PIGU: variants seen among roughly 807,000 people sequenced by gnomAD.
The protein encoded by PIGU is phosphatidylinositol glycan anchor biosynthesis class U, also known as GPI-anchor transamidase component PIGU.
A neutral mutation model predicts 49.9 loss-of-function variants in PIGU; 24 were observed. The observed-to-expected ratio is 0.48, with a 90% confidence interval of 0.35 to 0.68. The LOEUF is 0.68. PIGU is among the 30% of genes least tolerant of loss of function. The pLI is 0.01. For synonymous variants in PIGU, 220 were observed against 205.7 expected, an observed-to-expected ratio of 1.07 and a Z score of -0.59; for missense variants, 490 against 532.6, an observed-to-expected ratio of 0.92 and a Z score of 0.79.
chr20:34,597,391 C>T (rs1984241912), intron 7 of PIGU, among the ~76,000 whole-genome samples: 1 of 152,140 alleles, frequency 6.6e-6, no homozygotes, highest in Non-Finnish European at 1.5e-5. Context: ...TATTTCATTC[C>T]ATTTATATGA....
At chr20:34,627,168 C>G (rs943237877) in intron 6 of PIGU, among the ~76,000 whole-genome samples, 1 of 152,060 alleles carries the variant, frequency 6.6e-6, no homozygotes, top group South Asian at 2.1e-4. Flanking sequence ...AAAAGAGAAG[C>G]GCTGGGATCT....
intron 2 of PIGU, among the ~76,000 whole-genome samples, chr20:34,653,513 T>C (rs1392324549): frequency 6.6e-6 from 1 of 151,978 alleles, no homozygotes; most frequent in South Asian, 2.1e-4. Flanking sequence ...GAAATTTGTT[T>C]CTTTTTTTTA....
At position 34,636,493 on chromosome 20, in the gene PIGU, G is replaced by A. The variant is rs188802721; in HGVS notation, c.428+1383C>T. On this transcript the variant is annotated intron_variant, in intron 5 of 11. Coordinates refer to ENST00000217446, the MANE Select transcript of PIGU (RefSeq NM_080476.5). ...CAGGAGGTAGAGGTTGCAGTGAGCC[G>A]AGATTGCACCACTGCACTCCAGCCT... Among the ~76,000 whole-genome samples the A allele has an allele frequency of 5.5e-3, 842 of 152,166 alleles. 4 individuals are homozygous for A. Among genetic ancestry groups the A allele is most frequent in the Middle Eastern group, 0.014 (4 of 294 alleles).
intron 5 of PIGU, among the ~76,000 whole-genome samples, chr20:34,636,283 C>A (rs1219297746): frequency 1.3e-5 from 2 of 151,916 alleles, no homozygotes. Flanking sequence ...TAACTCATGC[C>A]TGTAATCCCA....
In PIGU at chr20:34,605,830, T is replaced by C. The variant is rs1028077435; in HGVS notation, c.627+10212A>G. ...GCCTTATTTTATCTTTCTGCATGCA[T>C]ATATTTATTTTTGCTGAACCATGTA... On this transcript the variant is annotated intron_variant, in intron 7 of 11. Coordinates refer to ENST00000217446, the MANE Select transcript of PIGU (RefSeq NM_080476.5). 3.9e-5 allele frequency among the ~76,000 whole-genome samples: 6 copies of C among 152,234 alleles called. No individual in the cohort carries two copies. The South Asian group carries it at 1.2e-3, about 31-fold the overall frequency.
At chr20:34,642,699 T>TATAC (rs1986205994) in intron 4 of PIGU, among the ~76,000 whole-genome samples, 1 of 142,932 alleles carries the variant, frequency 7.0e-6, no homozygotes, top group East Asian at 2.0e-4. Context: ...ATCTCATATA[T>TATAC]ATATATATAT....
intron 6 of PIGU, among the ~76,000 whole-genome samples, chr20:34,627,586 TACTTTTACATTTTTACGAGCGACTCCTA>T (rs1366815289): frequency 6.6e-6 from 1 of 152,104 alleles, no homozygotes; most frequent in Non-Finnish European, 1.5e-5. Flanking sequence ...TTTAATGGCA[TACTTTTACATTTTTACGAGCGACTCCTA>T]GGAAAACAAA....
chr20:34,616,705 T>C (rs538300426), intron 6 of PIGU, among the ~76,000 whole-genome samples: 2 of 152,318 alleles, frequency 1.3e-5, no homozygotes, highest in South Asian at 4.1e-4. Context: ...ATGAGGCTAT[T>C]AAGAATTTGC....
intron 7 of PIGU, among the ~76,000 whole-genome samples, chr20:34,592,270 T>C (rs1984020689): frequency 1.3e-5 from 2 of 151,254 alleles, no homozygotes; most frequent in South Asian, 4.2e-4. Context: ...ACACCCATTT[T>C]AAGATATTAG....
At chr20:34,616,666 T>A (rs1004101871) in intron 6 of PIGU, among the ~76,000 whole-genome samples, 1 of 152,156 alleles carries the variant, frequency 6.6e-6, no homozygotes, top group African/African-American at 2.4e-5. Context: ...ACTTCCTATA[T>A]AAAATGGACT....
At chr20:34,666,987 C>T (rs1312420047) in intron 1 of PIGU, among the ~76,000 whole-genome samples, 2 of 151,848 alleles carry the variant, frequency 1.3e-5, no homozygotes, top group Non-Finnish European at 2.9e-5. Flanking sequence ...CGTGAGCCAC[C>T]GCGCCCAGCC....
At chr20:34,671,239 A>G (rs1241292592) in intron 1 of PIGU, among the ~76,000 whole-genome samples, 1 of 152,124 alleles carries the variant, frequency 6.6e-6, no homozygotes, top group Non-Finnish European at 1.5e-5. Flanking sequence ...AAAAAGCATC[A>G]TATCATTGTT....
At chr20:34,642,914 C>T (rs1986215589) in intron 4 of PIGU, among the ~76,000 whole-genome samples, 2 of 151,778 alleles carry the variant, frequency 1.3e-5, no homozygotes, top group South Asian at 2.1e-4. Flanking sequence ...CACACCATCA[C>T]ACTTGGCTAA....
intron 9 of PIGU, among the ~76,000 whole-genome samples, chr20:34,584,679 T>TTTGTTG (rs551968386): frequency 4.6e-5 from 7 of 150,566 alleles, no homozygotes; most frequent in Admixed American, 1.3e-4. Context: ...CTGGCTAATT[T>TTTGTTG]TTGTTGTTGT....
intron 6 of PIGU, among the ~76,000 whole-genome samples, chr20:34,616,520 A>AGAGCT: frequency 6.6e-6 from 1 of 152,338 alleles, no homozygotes; most frequent in Non-Finnish European, 1.5e-5. Context: ...TATGATATCC[A>AGAGCT]GAGCTGGAAA....
intron 7 of PIGU, among the ~76,000 whole-genome samples, chr20:34,598,417 A>AAT (rs1984284515): frequency 6.6e-6 from 1 of 152,214 alleles, no homozygotes; most frequent in South Asian, 2.1e-4. Flanking sequence ...CCATTTTGGT[A>AAT]ATATACATCT....
chr20:34,612,192 A>G (rs1328628569), intron 7 of PIGU, among the ~76,000 whole-genome samples: 1 of 152,200 alleles, frequency 6.6e-6, no homozygotes, highest in Non-Finnish European at 1.5e-5. Context: ...AAAGGAGTTC[A>G]CGTCCTTTGC....
intron 2 of PIGU, among the ~76,000 whole-genome samples, chr20:34,648,265 A>C (rs1340141063): frequency 6.6e-6 from 1 of 151,840 alleles, no homozygotes; most frequent in Non-Finnish European, 1.5e-5. Context: ...AAAAAAAAAA[A>C]AAAAAAAATC....
At chr20:34,676,374 G>T (rs1987497586) in intron 1 of PIGU, among the ~76,000 whole-genome samples, 1 of 152,128 alleles carries the variant, frequency 6.6e-6, no homozygotes, top group African/African-American at 2.4e-5. Flanking sequence ...GCTACTTCAG[G>T]CCAACTTCGC....
Sources: allele counts gnomAD v4.1 joint callset (sites outside exome capture counted in the v4.1 genomes callset), GRCh38; gene constraint gnomAD v4.1.1; transcripts MANE v1.5; gene names NCBI Gene and HGNC (gene_info 2026-07-23, HGNC 2026-07-21).